DNAH14: variants seen among roughly 807,000 people sequenced by gnomAD.
DNAH14 encodes the protein dynein axonemal heavy chain 14, also known as axonemal beta dynein heavy chain 14.
DNAH14 carries 478 observed loss-of-function variants against 520.9 expected under a neutral mutation model. The observed-to-expected ratio is 0.92, with a 90% CI of 0.85 to 0.99. The LOEUF is 0.99. Among genes scored for constraint, DNAH14 ranks in the 50% least tolerant of loss-of-function variants. The pLI is 0.00. For synonymous variants in DNAH14, 1,581 were observed against 1,757.2 expected (o/e 0.90, Z 2.51); for missense variants, 4,831 against 5,234.5 (o/e 0.92, Z 2.38).
At position 225,307,446 on chromosome 1, in the gene DNAH14, T is replaced by G; in HGVS notation, c.9006-15T>G. 6.7e-7 allele frequency: 1 copy of G among 1,502,728 alleles called. No homozygotes were observed. Among genetic ancestry groups the G allele is most frequent in the Non-Finnish European group, 9.0e-7 (1 of 1,117,282 alleles). 93.1% of individuals were successfully genotyped at this position (1,502,728 alleles called of 1,614,324 possible). A position where few individuals can be genotyped will look rare whatever the true frequency, so the allele number is the denominator to read the frequency against. On this transcript the variant is annotated splice_polypyrimidine_tract_variant and intron_variant, in intron 58 of 85. Coordinates refer to ENST00000682510, the MANE Select transcript of DNAH14 (RefSeq NM_001367479.1). ...GTTATATCTTACACCTTCTTAATAC[T>G]TTTTCTTCCTTCAGGGATCGCTTCC...
chr1:224,997,679 G>A (rs2063484994), intron 8 of DNAH14, among the ~76,000 whole-genome samples: 1 of 151,818 alleles, frequency 6.6e-6, no homozygotes, highest in African/African-American at 2.4e-5. Context: ...AAATAATCTG[G>A]GCCTGGAGAT....
At chr1:225,392,211 A>G (rs2095925499) in intron 83 of DNAH14, 80 bp from the exon 84 acceptor site, 2 of 1,473,328 alleles carry the variant, frequency 1.4e-6, no homozygotes, top group Non-Finnish European at 1.8e-6. Context: ...TTTCTTCTCC[A>G]TGAGACATCA....
At chr1:225,092,627 CAA>C (rs1199718585) in intron 21 of DNAH14, among the ~76,000 whole-genome samples, 2 of 151,856 alleles carry the variant, frequency 1.3e-5, no homozygotes, top group East Asian at 1.9e-4. Flanking sequence ...ATTAGAGAAA[CAA>C]GAGCAAACCA....
chr1:225,247,683 A>T (rs2092364703), intron 43 of DNAH14, among the ~76,000 whole-genome samples: 1 of 152,228 alleles, frequency 6.6e-6, no homozygotes, highest in Non-Finnish European at 1.5e-5. Context: ...AATAAAAAAT[A>T]TTTAAAGTTT....
chr1:225,199,201 T>C (rs193009963), intron 38 of DNAH14, among the ~76,000 whole-genome samples: 2 of 152,346 alleles, frequency 1.3e-5, no homozygotes, highest in East Asian at 1.9e-4. Flanking sequence ...TACTGTTTCA[T>C]TTCCAGTTGA....
intron 84 of DNAH14, among the ~76,000 whole-genome samples, chr1:225,392,915 T>C: frequency 6.6e-6 from 1 of 152,192 alleles, no homozygotes; most frequent in Non-Finnish European, 1.5e-5. Flanking sequence ...TGGAGGCAGC[T>C]TGGGCTGAAG....
intron 34 of DNAH14, among the ~76,000 whole-genome samples, chr1:225,156,364 G>C (rs1327928598): frequency 2.6e-5 from 4 of 152,040 alleles, no homozygotes; most frequent in Admixed American, 1.3e-4. Flanking sequence ...CCAGGTTGTG[G>C]GCAGGGTTGC....
chr1:225,157,785 T>A (rs1185515329), intron 34 of DNAH14, among the ~76,000 whole-genome samples: 1 of 152,186 alleles, frequency 6.6e-6, no homozygotes, highest in African/African-American at 2.4e-5. Context: ...TCCCTTTGAC[T>A]TCAAGTGGAC....
At chr1:225,153,662 C>T in intron 33 of DNAH14, 88 bp from the exon 34 acceptor site, 3 of 866,394 alleles carry the variant, frequency 3.5e-6, no homozygotes, top group Non-Finnish European at 5.3e-6. Context: ...GCATAGATTA[C>T]CTGTAATTTA....
chr1:224,993,010 T>C (rs1311997746), intron 8 of DNAH14, among the ~76,000 whole-genome samples: 1 of 152,106 alleles, frequency 6.6e-6, no homozygotes, highest in African/African-American at 2.4e-5. Context: ...TCACATTTAT[T>C]GATTTGTGTA....
Position 225,377,305 on chromosome 1 carries a change from T to C in DNAH14, c.12585T>C (p.Asp4195=). 1.3e-6 allele frequency: 2 copies of C among 1,550,356 alleles called. No homozygotes were observed. The highest frequency in any genetic ancestry group is 1.7e-6 in the Non-Finnish European group (2 of 1,146,358). ...TACACATTATCCAGTCCTTACCTGA[T>C]GATGACCTTCCCGAGGTCTTAGGAA... ...DYIHIIQSLP[D]DDLPEVLGIH... is the part of the protein sequence containing the mutation. Residue 4195 remains aspartate (D), a synonymous_variant, in exon 79 of 86, where the codon GAT becomes GAC. Transcript: ENST00000682510.
intron 37 of DNAH14, among the ~76,000 whole-genome samples, chr1:225,188,741 G>C (rs1051929467): frequency 6.6e-6 from 1 of 151,950 alleles, no homozygotes; most frequent in Non-Finnish European, 1.5e-5. Context: ...TTGGAATTTT[G>C]ATAGGAATTG....
At chr1:225,248,364 A>G (rs1304583272) in intron 43 of DNAH14, among the ~76,000 whole-genome samples, 1 of 152,230 alleles carries the variant, frequency 6.6e-6, no homozygotes, top group African/African-American at 2.4e-5. Context: ...TTTATTAAAA[A>G]GACAAAATCA....
intron 74 of DNAH14, 139 bp from the exon 75 acceptor site, chr1:225,360,542 G>A (rs568340117): frequency 3.8e-6 from 3 of 795,834 alleles, no homozygotes; most frequent in African/African-American, 1.7e-5. Context: ...TAAACTCTGG[G>A]CTCTAATTTC....
intron 10 of DNAH14, among the ~76,000 whole-genome samples, chr1:225,018,412 G>T (rs2065386593): frequency 6.6e-6 from 1 of 152,146 alleles, no homozygotes; most frequent in African/African-American, 2.4e-5. Flanking sequence ...AAACAGCAAA[G>T]GTTCTTAACC....
At chr1:225,192,149 C>G (rs183871250) in intron 37 of DNAH14, among the ~76,000 whole-genome samples, 6 of 152,150 alleles carry the variant, frequency 3.9e-5, no homozygotes, top group Non-Finnish European at 7.4e-5. Context: ...CAAACTTCTC[C>G]CTGAGGCCTT....
At chr1:225,390,761 T>A (rs1654281966) in intron 83 of DNAH14, among the ~76,000 whole-genome samples, 1 of 152,224 alleles carries the variant, frequency 6.6e-6, no homozygotes, top group South Asian at 2.1e-4. Context: ...GGATTTTATA[T>A]AAATTAAGTC....
In DNAH14 at chr1:225,144,467, T is replaced by C; in HGVS notation, c.4579T>C (p.Tyr1527His). The change falls in exon 29 of 86, where the codon TAT becomes CAT. Residue 1527 changes from tyrosine (Y) to histidine (H), a missense_variant. Tyr to His is a moderately conservative substitution (Grantham distance 83, BLOSUM62 2). Coordinates refer to ENST00000682510, the MANE Select transcript of DNAH14 (RefSeq NM_001367479.1). ...GTCTCAAGGAAATGCCAGCTTTACT[T>C]ATGGCTATGAGTACTTGGGCTGTAC... ...YVSQGNASFTYGYEYLGCTSR... is the reference protein window; with the variant it reads ...YVSQGNASFTHGYEYLGCTSR... The C allele has an allele frequency of 6.4e-7, 1 of 1,551,632 alleles. No individual in the cohort carries two copies. The highest frequency in any genetic ancestry group is 8.7e-7 in the Non-Finnish European group (1 of 1,146,972).
Position 225,100,736 on chromosome 1 carries a change from T to A in DNAH14, c.3719T>A (p.Leu1240His), listed in dbSNP as rs1381577953. The A allele has an allele frequency of 1.1e-5, 16 of 1,514,996 alleles. No individual in the cohort carries two copies. The highest frequency in any genetic ancestry group is 2.5e-5 in the Admixed American group (1 of 40,186). The allele number at this position is 1,514,996 out of a possible 1,614,324, so 93.8% of individuals were successfully genotyped here. ...IRRQLPAETELFSQVISMWKK... is the reference protein window; with the variant it reads ...IRRQLPAETEHFSQVISMWKK... ...AGGCAACTCCCAGCAGAAACAGAAC[T>A]TTTCTCTCAAGTGATTTCCATGTGG... The change falls in exon 23 of 86, where the codon CTT (leucine) becomes CAT (histidine). Residue 1240 changes from leucine (L) to histidine (H), a missense_variant. Leu to His is a moderately conservative substitution (Grantham distance 99). Coordinates refer to ENST00000682510, the MANE Select transcript of DNAH14 (RefSeq NM_001367479.1).
Sources: gnomAD v4.1 joint callset for allele counts (sites outside exome capture counted in the v4.1 genomes callset) on GRCh38, gnomAD v4.1.1 for gene constraint, MANE v1.5 for transcripts, NCBI Gene and HGNC (gene_info 2026-07-23, HGNC 2026-07-21) for gene names.